Variants in GRAMD1C observed in about 807,000 individuals in gnomAD.
GRAMD1C encodes GRAM domain containing 1C, also known as protein Aster-C.
GRAMD1C carries 89 observed loss-of-function variants against 97.8 expected under a neutral mutation model. The observed-to-expected ratio is 0.91, with a 90% confidence interval of 0.77 to 1.09. The LOEUF is 1.09. GRAMD1C is among the 50% of genes least tolerant of loss of function. The pLI is 0.00. For missense variants in GRAMD1C, 740 were observed against 766.4 expected (o/e 0.97, Z 0.41); for synonymous variants, 256 against 267.0 (o/e 0.96, Z 0.40).
intron 1 of GRAMD1C, among the ~76,000 whole-genome samples, chr3:113,839,466 T>A (rs764791643): frequency 6.6e-6 from 1 of 152,228 alleles, no homozygotes; most frequent in African/African-American, 2.4e-5. Context: ...CGCCTGCGTT[T>A]CTGAACACCA....
At chr3:113,885,954 A>G (rs923933710) in intron 6 of GRAMD1C, 22 of 1,608,548 alleles carry the variant, frequency 1.4e-5, no homozygotes, top group Non-Finnish European at 1.8e-5. Flanking sequence ...CCTGCTCCCG[A>G]TGCTGGATGC....
intron 10 of GRAMD1C, 96 bp from the exon 11 acceptor site, chr3:113,930,618 T>A: frequency 1.4e-6 from 1 of 690,636 alleles, no homozygotes; most frequent in Non-Finnish European, 2.6e-6. Flanking sequence ...TAGTCAAAAA[T>A]AGAAATTTTA....
In GRAMD1C at chr3:113,904,163, A is replaced by G; in HGVS notation, c.680A>G (p.Asp227Gly). 1 of 1,609,904 alleles carries G rather than the reference A, an allele frequency of 6.2e-7. No individual in the cohort carries two copies. Among genetic ancestry groups the G allele is most frequent in the Non-Finnish European group, 8.5e-7 (1 of 1,176,328 alleles). The change falls in exon 8 of 18, where the codon GAT becomes GGT. Residue 227 changes from aspartate to glycine, a missense_variant. Physicochemically the swap from Asp to Gly is moderately conservative, Grantham distance 94. Transcript: ENST00000358160. ...AGAAGTCCAGGAAGAAGCAGCTTGG[A>G]TGACTCTGGGGAGAGAGATGAAAAA... Reference protein sequence around the residue: ...QPRSPGRSSLDDSGERDEKLS... With the variant: ...QPRSPGRSSLGDSGERDEKLS...
At chr3:113,880,488 A>T (rs1935215260) in intron 5 of GRAMD1C, among the ~76,000 whole-genome samples, 1 of 151,872 alleles carries the variant, frequency 6.6e-6, no homozygotes, top group East Asian at 1.9e-4. Flanking sequence ...CCTCTTTTTT[A>T]AAAAATGCTG....
intron 1 of GRAMD1C, among the ~76,000 whole-genome samples, chr3:113,830,228 T>A (rs768742219): frequency 1.3e-5 from 2 of 152,160 alleles, no homozygotes; most frequent in African/African-American, 4.8e-5. Flanking sequence ...GTTCTCTACA[T>A]GGCCAGGCAC....
intron 10 of GRAMD1C, among the ~76,000 whole-genome samples, chr3:113,922,419 TA>T (rs1330357987): frequency 2.0e-5 from 3 of 152,190 alleles, no homozygotes; most frequent in Admixed American, 2.0e-4. Flanking sequence ...GTTTTACATT[TA>T]AGTCTTTAAT....
At chr3:113,882,705 T>A in intron 5 of GRAMD1C, 47 bp from the exon 6 acceptor site, 1 of 1,118,920 alleles carries the variant, frequency 8.9e-7, no homozygotes, top group African/African-American at 1.5e-5. Context: ...GATAATCTGC[T>A]TTTATTTTCC....
chr3:113,934,396 C>T (rs1937537921), intron 12 of GRAMD1C, 36 bp from the exon 13 acceptor site: 4 of 963,448 alleles, frequency 4.2e-6, no homozygotes, highest in Non-Finnish European at 6.5e-6. Flanking sequence ...AAAGTCTGCT[C>T]TTTAAATAAA....
chr3:113,925,472 A>G (rs1937199992), intron 10 of GRAMD1C, among the ~76,000 whole-genome samples: 1 of 84,958 alleles, frequency 1.2e-5, no homozygotes, highest in Non-Finnish European at 2.5e-5. Flanking sequence ...ACTGTGTCTC[A>G]AAAAACAAAC....
At position 113,945,776 on chromosome 3, in the gene GRAMD1C, T is replaced by C; in HGVS notation, c.*298T>C. 1 of 307,118 alleles carries C rather than the reference T, an allele frequency of 3.3e-6. No homozygotes were observed. The highest frequency in any genetic ancestry group is 8.5e-5 in the East Asian group (1 of 11,728). 19.0% of individuals were successfully genotyped at this position (307,118 alleles called of 1,614,324 possible). Reference sequence around the variant, plus strand: ...AAAAAGAAAATGACACACCCTGAATTGAGTGGTATGGTCTCATTTCTACAG... The same window carrying C: ...AAAAAGAAAATGACACACCCTGAATCGAGTGGTATGGTCTCATTTCTACAG... On this transcript the variant is annotated 3_prime_UTR_variant, in exon 18 of 18. Coordinates refer to ENST00000358160, the MANE Select transcript of GRAMD1C (RefSeq NM_017577.5).
rs146979804 is a variant in GRAMD1C, at chr3:113,900,409, A to AATTATTATTATT, written c.541-606_541-595dup. On this transcript the variant is annotated intron_variant, in intron 6 of 17. Transcript: ENST00000358160. The stretch of plus-strand genomic sequence containing the variant: ...CAGTAATTACCAGAAAGTATGAACA[A>AATTATTATTATT]ATTATTATTATTATTATTATTATTA... 8.2e-3 allele frequency among the ~76,000 whole-genome samples: 1,123 copies of AATTATTATTATT among 137,484 alleles called. 16 individuals are homozygous for AATTATTATTATT. Among genetic ancestry groups the AATTATTATTATT allele is most frequent in the African/African-American group, 0.021 (765 of 36,562 alleles). 90.2% of individuals were successfully genotyped at this position (137,484 alleles called of 152,430 possible).
At chr3:113,869,483 A>C (rs967937847) in intron 2 of GRAMD1C, 24 bp from the exon 3 acceptor site, 2 of 1,100,638 alleles carry the variant, frequency 1.8e-6, no homozygotes, top group African/African-American at 3.1e-5. Flanking sequence ...ATTAGACAGA[A>C]ATGTAATCTT....
intron 5 of GRAMD1C, among the ~76,000 whole-genome samples, chr3:113,879,204 C>CA (rs34645312): frequency 1.2e-4 from 17 of 144,582 alleles, no homozygotes; most frequent in East Asian, 2.0e-4. Flanking sequence ...GACTCCGTCT[C>CA]AAAAAAAAAA....
intron 2 of GRAMD1C, among the ~76,000 whole-genome samples, chr3:113,861,566 A>C (rs1443275352): frequency 6.6e-6 from 1 of 152,204 alleles, no homozygotes; most frequent in Non-Finnish European, 1.5e-5. Context: ...CATTAAGAAA[A>C]TGAAAAGATC....
rs752729619 is a variant in GRAMD1C at position 113,901,087 on chromosome 3, A to G, written c.597A>G (p.Leu199=). 4 of 1,611,616 alleles carry G rather than the reference A, an allele frequency of 2.5e-6. No homozygotes were observed. In the South Asian group the frequency reaches 3.3e-5, roughly 13 times the overall value. The change falls in exon 7 of 18, where the codon CTA becomes CTG. Residue 199 remains leucine (L), a synonymous_variant. Transcript: ENST00000358160. ...TCCAGCAGAACTATGGCACTGAGCT[A>G]GGTTTAAATGCTGAGGAGATGGAAA... ...QLLQQNYGTE[L]GLNAEEMENL...
rs188434177 is a variant in GRAMD1C, at chr3:113,862,692, C to A, written c.175-6815C>A. ...GCATAGGAAATCACAAGGGTATTGA[C>A]TGGGGAAGTGATAAGTATCCATGAA... On this transcript the variant is annotated intron_variant, in intron 2 of 17. Coordinates refer to ENST00000358160, the MANE Select transcript of GRAMD1C (RefSeq NM_017577.5). 3.9e-3 allele frequency among the ~76,000 whole-genome samples: 589 copies of A among 152,248 alleles called. 7 individuals are homozygous for A. Among genetic ancestry groups the A allele is most frequent in the South Asian group, 0.028 (133 of 4,820 alleles).
intron 2 of GRAMD1C, among the ~76,000 whole-genome samples, chr3:113,858,265 C>T (rs1045641096): frequency 9.2e-5 from 14 of 151,884 alleles, no homozygotes; most frequent in African/African-American, 3.4e-4. Flanking sequence ...CAGAGTCTCA[C>T]TCTGTTGCCC....
At chr3:113,831,651 C>T (rs984945342) in intron 1 of GRAMD1C, among the ~76,000 whole-genome samples, 3 of 152,054 alleles carry the variant, frequency 2.0e-5, no homozygotes, top group Non-Finnish European at 4.4e-5. Flanking sequence ...TGAATAATCC[C>T]AATTGACCCA....
At chr3:113,925,752 G>T (rs1240366874) in intron 10 of GRAMD1C, among the ~76,000 whole-genome samples, 1 of 152,178 alleles carries the variant, frequency 6.6e-6, no homozygotes, top group African/African-American at 2.4e-5. Flanking sequence ...CCACCTTGAA[G>T]ACCTCTTGGA....
Sources: allele counts gnomAD v4.1 joint callset (sites outside exome capture counted in the v4.1 genomes callset), GRCh38; gene constraint gnomAD v4.1.1; transcripts MANE v1.5; gene names NCBI Gene and HGNC (gene_info 2026-07-23, HGNC 2026-07-21).